Variants in GPR19 observed in about 807,000 individuals in gnomAD.
GPR19 encodes the protein G protein-coupled receptor 19.
Under a neutral mutation model 28.5 loss-of-function variants are expected in GPR19, and 14 were observed. The observed-to-expected ratio is 0.49, with a 90% confidence interval of 0.32 to 0.77. GPR19 has a LOEUF of 0.77. Among genes scored for constraint, GPR19 ranks in the 30% least tolerant of loss-of-function variants. The pLI is 0.03. For synonymous variants in GPR19, 173 were observed against 184.1 expected, an observed-to-expected ratio of 0.94 and a Z score of 0.49; for missense variants, 409 against 504.1, an observed-to-expected ratio of 0.81 and a Z score of 1.81.
upstream of GPR19, among the ~76,000 whole-genome samples, chr12:12,696,853 T>C (rs369328941): frequency 1.3e-4 from 20 of 152,276 alleles, 1 homozygote; most frequent in South Asian, 4.1e-3. Flanking sequence ...AAGTGTCAAC[T>C]TCAGACCAAA....
At chr12:12,662,567 T>C in intron 3 of GPR19, 97 bp from the exon 4 acceptor site, 1 of 918,002 alleles carries the variant, frequency 1.1e-6, no homozygotes, top group Non-Finnish European at 1.6e-6. Flanking sequence ...GACATTTACA[T>C]TGATTGTCAT....
chr12:12,661,834 G>T lies in GPR19; in HGVS notation c.615C>A (p.Asn205Lys), dbSNP rs1475304814. 1.8e-5 allele frequency: 29 copies of T among 1,614,172 alleles called. No homozygotes were observed. Among genetic ancestry groups the T allele is most frequent in the Middle Eastern group, 1.6e-4 (1 of 6,062 alleles). The change falls in exon 4 of 4, where the codon AAC (asparagine) becomes AAA (lysine). Residue 205 changes from asparagine (N) to lysine (K), a missense_variant. Transcript: ENST00000651487. This position sits in a 1 kb window ranked among gnomAD's most constrained non-coding sequence, Gnocchi z 4.2. ...GGAAATAGTTACAATGACTGTCCCA[G>T]TTGGAGCCATAGAAAAAGAGCACAG... ...VTPVLFFYGS[N>K]WDSHCNYFLP... is the part of the protein sequence containing the mutation.
At chr12:12,707,294 T>C in the GPR19 span, among the ~76,000 whole-genome samples, 1 of 152,396 alleles carries the variant, frequency 6.6e-6, no homozygotes, top group Middle Eastern at 3.4e-3. Flanking sequence ...TTACCCTCCG[T>C]ACTCTTAATT....
chr12:12,703,368 G>A, the GPR19 span: 1 of 985,086 alleles, frequency 1.0e-6, no homozygotes. Context: ...TATGGAGTAT[G>A]CGTGAGTGCG....
chr12:12,711,325 C>T, the GPR19 span, among the ~76,000 whole-genome samples: 1 of 147,044 alleles, frequency 6.8e-6, no homozygotes, highest in South Asian at 2.2e-4. Flanking sequence ...AAAATGAAAA[C>T]TTATTTCTTC....
rs1165977400 is a variant in GPR19 at position 12,661,995 on chromosome 12, G to A, written c.454C>T (p.Gln152Ter). The part of the protein sequence containing the change: ...RYFQYLTPGV[Q>*]IYVLLSICID... ...CAGATGGAGAGGAGAACGTAGATCT[G>A]GACACCTGGAGTGAGATATTGAAAA... Residue 152 changes from glutamine to a stop codon, truncating the protein, a stop_gained, in exon 4 of 4, where the codon CAG (glutamine) becomes TAG (stop). Transcript: ENST00000651487. LOFTEE classifies it high-confidence loss of function. This position sits in a 1 kb window ranked among gnomAD's most constrained non-coding sequence, Gnocchi z 4.2. The A allele has an allele frequency of 6.2e-7, 1 of 1,614,060 alleles. No homozygotes were observed. The highest frequency in any genetic ancestry group is 8.5e-7 in the Non-Finnish European group (1 of 1,180,004).
At chr12:12,676,106 A>G (rs1363055874) in intron 3 of GPR19, among the ~76,000 whole-genome samples, 1 of 152,198 alleles carries the variant, frequency 6.6e-6, no homozygotes, top group Non-Finnish European at 1.5e-5. Context: ...GAAATATTAG[A>G]AAACCAAAAA....
At chr12:12,706,550 C>T in the GPR19 span, among the ~76,000 whole-genome samples, 8 of 152,176 alleles carry the variant, frequency 5.3e-5, no homozygotes, top group Non-Finnish European at 1.2e-4. Flanking sequence ...ATTCCAAACT[C>T]ACATATCCAT....
chr12:12,672,995 C>T (rs1945876171), intron 3 of GPR19, among the ~76,000 whole-genome samples: 2 of 152,068 alleles, frequency 1.3e-5, no homozygotes, highest in Non-Finnish European at 2.9e-5. Context: ...GTCAATAATT[C>T]AGAAATGATT....
At chr12:12,703,338 A>G in the GPR19 span, 1 of 973,872 alleles carries the variant, frequency 1.0e-6, no homozygotes, top group Non-Finnish European at 1.2e-6. Context: ...ACACAGTCTC[A>G]CTTTTTACCA....
At chr12:12,680,147 A>T (rs1395254528) in intron 3 of GPR19, among the ~76,000 whole-genome samples, 1 of 152,248 alleles carries the variant, frequency 6.6e-6, no homozygotes, top group Non-Finnish European at 1.5e-5. Flanking sequence ...TGATATTTGT[A>T]TTACTCTAAT....
intron 2 of GPR19, among the ~76,000 whole-genome samples, chr12:12,694,357 C>T (rs1483073329): frequency 6.6e-6 from 1 of 150,996 alleles, no homozygotes; most frequent in Non-Finnish European, 1.5e-5. Context: ...CACCACCACG[C>T]CCGGCTAATT....
At chr12:12,716,620 T>G in the GPR19 span, 1 of 341,080 alleles carries the variant, frequency 2.9e-6, no homozygotes, top group Non-Finnish European at 4.0e-6. Flanking sequence ...TTTGTTTTTT[T>G]TTTTTAATCT....
In GPR19 at chr12:12,676,341, T is replaced by G. The variant is rs140973276; in HGVS notation, c.-23+8010A>C. On this transcript the variant is annotated intron_variant, in intron 3 of 3. Coordinates refer to ENST00000651487, the MANE Select transcript of GPR19 (RefSeq NM_006143.3). Reference sequence around the variant, plus strand: ...ATGATTTCTAAGGTCATTTCAGCTCTATGAGCAAAAAGTGACAGGTGGACA... The same window carrying G: ...ATGATTTCTAAGGTCATTTCAGCTCGATGAGCAAAAAGTGACAGGTGGACA... Among the ~76,000 whole-genome samples, 42 of 152,330 alleles carry G rather than the reference T, an allele frequency of 2.8e-4. 3 individuals are homozygous for G. The highest frequency in any genetic ancestry group is 9.9e-4 in the African/African-American group (41 of 41,582).
intron 2 of GPR19, among the ~76,000 whole-genome samples, chr12:12,693,040 T>C (rs149559945): frequency 5.3e-5 from 8 of 152,340 alleles, no homozygotes; most frequent in Non-Finnish European, 1.2e-4. Flanking sequence ...TAAAGTAGTA[T>C]GGTGATTTCA....
At chr12:12,688,135 A>G (rs538188616) in intron 2 of GPR19, among the ~76,000 whole-genome samples, 131 of 152,304 alleles carry the variant, frequency 8.6e-4, no homozygotes, top group African/African-American at 3.1e-3. Context: ...ATTACTTATA[A>G]AGTGCAAAGG....
At chr12:12,702,585 A>C in the GPR19 span, among the ~76,000 whole-genome samples, 9 of 152,238 alleles carry the variant, frequency 5.9e-5, no homozygotes, top group African/African-American at 9.6e-5. Context: ...CTGGATCTCC[A>C]TTCTCCTTTT....
chr12:12,672,369 G>A lies in GPR19; in HGVS notation c.-22-9899C>T, dbSNP rs75509128. On this transcript the variant is annotated intron_variant, in intron 3 of 3. Coordinates refer to ENST00000651487, the MANE Select transcript of GPR19 (RefSeq NM_006143.3). ...TCCGTGTATACAGGACACAGCTGCA[G>A]GTTTAATACTGAACTTCCCTACCTC... is the stretch of plus-strand genomic sequence containing the variant. Among the ~76,000 whole-genome samples, 882 of 152,236 alleles carry A rather than the reference G, an allele frequency of 5.8e-3. 49 individuals are homozygous for A. In the East Asian group the frequency reaches 0.14, roughly 24 times the overall value.
the GPR19 span, among the ~76,000 whole-genome samples, chr12:12,713,413 G>T: frequency 6.6e-6 from 1 of 151,828 alleles, no homozygotes; most frequent in Non-Finnish European, 1.5e-5. Flanking sequence ...TCCACCATGG[G>T]CCCCCCTGCT....
Sources: gnomAD v4.1 joint callset for allele counts (sites outside exome capture counted in the v4.1 genomes callset) on GRCh38, gnomAD v4.1.1 for gene constraint, Gnocchi (gnomAD v3.1) non-coding constraint, MANE v1.5 for transcripts, NCBI Gene and HGNC (gene_info 2026-07-23, HGNC 2026-07-21) for gene names.